Variants in KCTD16 observed in about 807,000 individuals in gnomAD.
KCTD16 encodes potassium channel tetramerization domain containing 16.
Under a neutral mutation model 33.2 loss-of-function variants are expected in KCTD16, and 13 were observed. The ratio of observed to expected loss-of-function variants is 0.39; its 90% CI spans 0.25 to 0.62. KCTD16 has a LOEUF of 0.62. KCTD16 is among the 20% of genes least tolerant of loss of function. KCTD16 has a pLI of 0.50. For synonymous variants in KCTD16, 197 were observed against 195.3 expected, an observed-to-expected ratio of 1.01 and a Z score of -0.07; for missense variants, 441 against 525.1, an observed-to-expected ratio of 0.84 and a Z score of 1.57.
chr5:144,421,798 A>G (rs143591737), intron 3 of KCTD16, among the ~76,000 whole-genome samples: 4 of 152,224 alleles, frequency 2.6e-5, no homozygotes, highest in African/African-American at 9.6e-5. Context: ...GAAAACACCA[A>G]AGTCAACCCT....
chr5:144,387,565 C>G (rs961208310), intron 3 of KCTD16, among the ~76,000 whole-genome samples: 2 of 152,110 alleles, frequency 1.3e-5, no homozygotes, highest in Non-Finnish European at 2.9e-5. Flanking sequence ...ATCAGGTACT[C>G]TTTTGCTTTC....
At chr5:144,187,238 A>G (rs1051796477) in intron 2 of KCTD16, among the ~76,000 whole-genome samples, 2 of 152,206 alleles carry the variant, frequency 1.3e-5, no homozygotes, top group African/African-American at 4.8e-5. Context: ...CCTGCCAATG[A>G]CATAATGCAT....
intron 3 of KCTD16, among the ~76,000 whole-genome samples, chr5:144,316,879 G>A (rs979961773): frequency 6.9e-6 from 1 of 144,084 alleles, no homozygotes; most frequent in African/African-American, 2.6e-5. Flanking sequence ...CTGGGCTGGA[G>A]TGCAATGGTG....
intron 3 of KCTD16, among the ~76,000 whole-genome samples, chr5:144,212,366 C>A (rs1753423583): frequency 1.3e-5 from 2 of 152,130 alleles, no homozygotes; most frequent in African/African-American, 4.8e-5. Context: ...AAAATAGTTT[C>A]TTCCTGGGTC....
At chr5:144,231,709 G>A (rs906311463) in intron 3 of KCTD16, among the ~76,000 whole-genome samples, 3 of 152,082 alleles carry the variant, frequency 2.0e-5, no homozygotes, top group African/African-American at 7.2e-5. Flanking sequence ...GAGATCTGAT[G>A]GTTTTATAAG....
intron 3 of KCTD16, among the ~76,000 whole-genome samples, chr5:144,455,765 G>A (rs1475464427): frequency 6.6e-6 from 1 of 152,306 alleles, no homozygotes; most frequent in African/African-American, 2.4e-5. Context: ...AGGCTTGACA[G>A]CCTCTGATTT....
intron 3 of KCTD16, among the ~76,000 whole-genome samples, chr5:144,225,359 T>C (rs1036803044): frequency 6.6e-6 from 1 of 152,134 alleles, no homozygotes; most frequent in Non-Finnish European, 1.5e-5. Context: ...ACACAGAACT[T>C]CTGGGATACA....
chr5:144,325,718 G>A (rs755999944), intron 3 of KCTD16, among the ~76,000 whole-genome samples: 2 of 152,036 alleles, frequency 1.3e-5, no homozygotes, highest in African/African-American at 2.4e-5. Context: ...CCTTGACCAC[G>A]AGCTTCTGGA....
intron 3 of KCTD16, among the ~76,000 whole-genome samples, chr5:144,358,638 A>G (rs886621994): frequency 6.6e-6 from 1 of 152,138 alleles, no homozygotes; most frequent in Non-Finnish European, 1.5e-5. Context: ...CTACCAAACC[A>G]CAATGCCACA....
At chr5:144,461,268 T>C (rs968749297) in intron 3 of KCTD16, among the ~76,000 whole-genome samples, 3 of 152,160 alleles carry the variant, frequency 2.0e-5, no homozygotes, top group Admixed American at 6.5e-5. Context: ...GACTTGGATG[T>C]TCTACAGGCC....
intron 3 of KCTD16, among the ~76,000 whole-genome samples, chr5:144,408,594 CA>C (rs2126951908): frequency 6.6e-6 from 1 of 152,286 alleles, no homozygotes; most frequent in African/African-American, 2.4e-5. Flanking sequence ...CTGGGTTAAA[CA>C]GACACAGTAC....
intron 3 of KCTD16, chr5:144,385,432 C>T (rs1022002837): frequency 3.3e-5 from 5 of 152,122 alleles, no homozygotes; most frequent in Admixed American, 1.3e-4. Context: ...TTTTTCATGT[C>T]CTTCACATCC....
intron 3 of KCTD16, among the ~76,000 whole-genome samples, chr5:144,398,576 C>T (rs186804768): frequency 1.4e-4 from 21 of 152,148 alleles, no homozygotes; most frequent in Middle Eastern, 6.8e-3. Context: ...ATCTTATATC[C>T]GCAAGTTGTT....
At chr5:144,323,554 C>T (rs1752129027) in intron 3 of KCTD16, among the ~76,000 whole-genome samples, 2 of 152,140 alleles carry the variant, frequency 1.3e-5, no homozygotes, top group Non-Finnish European at 1.5e-5. Context: ...TGAAAGGAGT[C>T]CTATGTCTCT....
intron 3 of KCTD16, among the ~76,000 whole-genome samples, chr5:144,214,486 C>A (rs2126797219): frequency 6.6e-6 from 1 of 152,264 alleles, no homozygotes; most frequent in South Asian, 2.1e-4. Context: ...GAACCACATC[C>A]TTTTGTGAAA....
chr5:144,472,464 A>G (rs1053927059), intron 3 of KCTD16, among the ~76,000 whole-genome samples: 2 of 152,216 alleles, frequency 1.3e-5, no homozygotes, highest in African/African-American at 4.8e-5. Flanking sequence ...ATGCAGCATT[A>G]TGAGTCAAGA....
chr5:144,481,344 T>A lies in KCTD16; in HGVS notation c.*7230T>A, dbSNP rs1754700529. ...TGTAACTGCTTATCATACCCTTTGTTACTTTGAGTTGAATATTCCCTCTCT... is the reference window on the plus strand; with the variant it reads ...TGTAACTGCTTATCATACCCTTTGTAACTTTGAGTTGAATATTCCCTCTCT... On this transcript the variant is annotated 3_prime_UTR_variant, in exon 4 of 4. Coordinates refer to ENST00000512467, the MANE Select transcript of KCTD16 (RefSeq NM_020768.4). The A allele has an allele frequency of 6.6e-6, 1 of 151,944 alleles. No individual in the cohort carries two copies. Among genetic ancestry groups the A allele is most frequent in the South Asian group, 2.1e-4 (1 of 4,834 alleles). 9.4% of individuals were successfully genotyped at this position (151,944 alleles called of 1,614,324 possible).
At chr5:144,361,077 C>T (rs1443006524) in intron 3 of KCTD16, among the ~76,000 whole-genome samples, 3 of 139,578 alleles carry the variant, frequency 2.1e-5, no homozygotes, top group East Asian at 4.4e-4. Flanking sequence ...ACAACAGTCC[C>T]CAGAGTGTGA....
chr5:144,177,014 G>A, intron 2 of KCTD16, among the ~76,000 whole-genome samples: 1 of 152,120 alleles, frequency 6.6e-6, no homozygotes, highest in Middle Eastern at 3.2e-3. Context: ...TTGCTGTGCA[G>A]AAGCGCTTTA....
Sources: gnomAD v4.1 joint callset for allele counts (sites outside exome capture counted in the v4.1 genomes callset) on GRCh38, gnomAD v4.1.1 for gene constraint, MANE v1.5 for transcripts, NCBI Gene and HGNC (gene_info 2026-07-23, HGNC 2026-07-21) for gene names.